Variants in HHATL observed in about 807,000 individuals in gnomAD.
HHATL encodes the protein hedgehog acyltransferase like.
In HHATL, 49 loss-of-function variants were observed where a neutral mutation model predicts 59.7. That is an observed-to-expected ratio of 0.82 (90% CI 0.65 to 1.04). HHATL has a LOEUF of 1.04. Among genes scored for constraint, HHATL ranks in the 50% least tolerant of loss-of-function variants. HHATL has a pLI of 0.00. For synonymous variants in HHATL, 238 were observed against 257.3 expected, an observed-to-expected ratio of 0.93 and a Z score of 0.72; for missense variants, 605 against 650.8, an observed-to-expected ratio of 0.93 and a Z score of 0.77.
At chr3:42,694,470 A>G (rs73085380) in intron 9 of HHATL, among the ~76,000 whole-genome samples, 5,481 of 152,336 alleles carry the variant, frequency 0.036, 160 homozygotes, top group South Asian at 0.093. Context: ...CACAGCAGCC[A>G]GAGGCATCTT....
intron 2 of HHATL, among the ~76,000 whole-genome samples, chr3:42,700,384 A>ATGTG (rs1252231350): frequency 3.8e-5 from 3 of 78,788 alleles, no homozygotes; most frequent in African/African-American, 1.5e-4. Flanking sequence ...GTGTGTCGGG[A>ATGTG]TGTGTGTGTG....
At chr3:42,693,047 C>G in intron 11 of HHATL, 30 bp downstream of exon 11, 4 of 1,612,986 alleles carry the variant, frequency 2.5e-6, no homozygotes, top group Non-Finnish European at 3.4e-6. Flanking sequence ...TGCCTGGCAC[C>G]TTCTGTATCC....
intron 7 of HHATL, 109 bp downstream of exon 7, chr3:42,697,399 T>C (rs1697675438): frequency 7.9e-7 from 1 of 1,273,722 alleles, no homozygotes; most frequent in African/African-American, 1.5e-5. Flanking sequence ...CGCCCTCAGG[T>C]GCTGTGCCCT....
In HHATL at chr3:42,692,757, C is replaced by CAAA. The variant is rs762964445; in HGVS notation, c.1508_1509insTTT (p.Pro503_Glu504insLeu). The CAAA allele has an allele frequency of 6.2e-7, 1 of 1,614,160 alleles. No individual in the cohort carries two copies. The highest frequency in any genetic ancestry group is 1.1e-5 in the South Asian group (1 of 91,092). On this transcript the variant is annotated inframe_insertion, in exon 12 of 12. Coordinates refer to ENST00000441594, the MANE Select transcript of HHATL (RefSeq NM_020707.4). The stretch of plus-strand genomic sequence containing the variant: ...TCCCTCTACCCGCTCCCTCCTACTC[C>CAAA]GGCTTCTCTTTGTCCTGCTTCTGCT...
intron 9 of HHATL, 22 bp downstream of exon 9, chr3:42,696,820 C>T (rs1356213116): frequency 5.6e-6 from 9 of 1,612,750 alleles, no homozygotes; most frequent in Non-Finnish European, 7.6e-6. Flanking sequence ...GCTGTGACCA[C>T]CCCCACCCCA....
chr3:42,701,210 A>C lies in HHATL; in HGVS notation c.-13-371T>G. 2 of 205,680 alleles carry C rather than the reference A, an allele frequency of 9.7e-6. No homozygotes were observed. Among genetic ancestry groups the C allele is most frequent in the Non-Finnish European group, 9.9e-6 (1 of 100,842 alleles). 12.7% of individuals were successfully genotyped at this position (205,680 alleles called of 1,614,324 possible). A position where few individuals can be genotyped will look rare whatever the true frequency, so the allele number is the denominator to read the frequency against. Reference sequence around the variant, plus strand: ...CATGACCTGCGTGCGGAGAAACCCCACCTCTATCACTACAGTCAGGTTTCT... The same window carrying C: ...CATGACCTGCGTGCGGAGAAACCCCCCCTCTATCACTACAGTCAGGTTTCT... On this transcript the variant is annotated intron_variant, in intron 1 of 11. Transcript: ENST00000441594. The surrounding 1 kb of genome is among the most constrained non-coding windows in gnomAD (Gnocchi z 5.1).
At chr3:42,694,129 T>C (rs1009749770) in intron 9 of HHATL, 1 of 388,790 alleles carries the variant, frequency 2.6e-6, no homozygotes, top group African/African-American at 2.0e-5. Flanking sequence ...CTGATTTGTA[T>C]ATGCAATTGC....
rs533029650 is a variant in HHATL, at chr3:42,695,269, T to C, written c.1047-1451A>G. The stretch of plus-strand genomic sequence containing the variant: ...TTCAGTTCTTCAATCCCATTGATCT[T>C]GTGACCCTCCCACCTTCACCACCGT... On this transcript the variant is annotated intron_variant, in intron 9 of 11. Coordinates refer to ENST00000441594, the MANE Select transcript of HHATL (RefSeq NM_020707.4). Among the ~76,000 whole-genome samples, 29 of 152,344 alleles carry C rather than the reference T, an allele frequency of 1.9e-4. No homozygotes were observed. The South Asian group carries it at 5.8e-3, about 31-fold the overall frequency.
rs867637090 is a variant in HHATL at position 42,692,968 on chromosome 3, C to T, written c.1391-93G>A. On this transcript the variant is annotated intron_variant, in intron 11 of 11. Transcript: ENST00000441594. The stretch of plus-strand genomic sequence containing the variant: ...CCCCTCTCCCCGCTTGATGGGCCCT[C>T]CCTTCTGAGTCCCAGGGGTGATGAG... The T allele has an allele frequency of 2.5e-5, 39 of 1,583,182 alleles. No homozygotes were observed. In the African/African-American group the frequency reaches 5.1e-4, roughly 21 times the overall value.
chr3:42,700,908 C>T, intron 1 of HHATL, 69 bp from the exon 2 acceptor site: 1 of 1,065,306 alleles, frequency 9.4e-7, no homozygotes, highest in African/African-American at 1.6e-5. Context: ...ATGGTCCCAC[C>T]ACCCCAGTGG....
chr3:42,693,541 A>G (rs1697447451), intron 10 of HHATL, 76 bp downstream of exon 10: 1 of 1,291,110 alleles, frequency 7.7e-7, no homozygotes, highest in Admixed American at 2.0e-5. Flanking sequence ...AGGTGTTTGG[A>G]CAACTCCAGA....
At chr3:42,695,812 G>A (rs1014796566) in intron 9 of HHATL, among the ~76,000 whole-genome samples, 5 of 152,002 alleles carry the variant, frequency 3.3e-5, no homozygotes, top group Non-Finnish European at 7.4e-5. Context: ...CCAGGCCTCC[G>A]CCTGGAACTA....
rs1697524860 is a variant in HHATL at position 42,694,672 on chromosome 3, A to G, written c.1047-854T>C. ...CATGCTGGCCTCACTGGCCTTTCTT[A>G]CCTTTACACCCACACAGTTGGTTTG... is the stretch of plus-strand genomic sequence containing the variant. On this transcript the variant is annotated intron_variant, in intron 9 of 11. Transcript: ENST00000441594. Among the ~76,000 whole-genome samples the G allele has an allele frequency of 2.6e-5, 4 of 152,066 alleles. No individual in the cohort carries two copies. The South Asian group carries it at 8.3e-4, about 32-fold the overall frequency.
In HHATL at chr3:42,697,435, G is replaced by A. The variant is rs765885269; in HGVS notation, c.865+73C>T. On this transcript the variant is annotated intron_variant, in intron 7 of 11. Coordinates refer to ENST00000441594, the MANE Select transcript of HHATL (RefSeq NM_020707.4). ...GCGTGCCTCAGCTCCCCTGACTGTG[G>A]CACCGTGGGGGTGCAGAGGGTCTGT... is the stretch of plus-strand genomic sequence containing the variant. 599 of 1,515,978 alleles carry A rather than the reference G, an allele frequency of 4.0e-4. 1 individual carries two copies. The highest frequency in any genetic ancestry group is 4.9e-4 in the Non-Finnish European group (548 of 1,109,994). The allele number at this position is 1,515,978 out of a possible 1,614,324, so 93.9% of individuals were successfully genotyped here. A position where few individuals can be genotyped will look rare whatever the true frequency, so the allele number is the denominator to read the frequency against.
At chr3:42,695,552 C>A (rs940811251) in intron 9 of HHATL, among the ~76,000 whole-genome samples, 6 of 152,162 alleles carry the variant, frequency 3.9e-5, no homozygotes, top group Admixed American at 2.6e-4. Context: ...CTGCAAGGGC[C>A]ACTGTATTCT....
chr3:42,692,979 C>T (rs1697417198), intron 11 of HHATL, 98 bp downstream of exon 11: 1 of 1,588,448 alleles, frequency 6.3e-7, no homozygotes, highest in East Asian at 2.2e-5. Context: ...CCTTCTGAGT[C>T]CCAGGGGTGA....
At chr3:42,697,438 C>A in intron 7 of HHATL, 70 bp downstream of exon 7, 2 of 1,530,224 alleles carry the variant, frequency 1.3e-6, no homozygotes, top group South Asian at 1.2e-5. Flanking sequence ...GACTGTGGCA[C>A]CGTGGGGGTG....
intron 10 of HHATL, 48 bp downstream of exon 10, chr3:42,693,569 C>G (rs549901611): frequency 4.6e-6 from 7 of 1,527,566 alleles, no homozygotes; most frequent in African/African-American, 2.7e-5. Context: ...AGTGCCCCCC[C>G]GCCCTCTATG....
chr3:42,696,901 A>G, intron 8 of HHATL, 24 bp from the exon 9 acceptor site: 1 of 1,614,170 alleles, frequency 6.2e-7, no homozygotes, highest in Non-Finnish European at 8.5e-7. Context: ...GCAGATGGGC[A>G]TGTTGCCATC....
Sources: allele counts gnomAD v4.1 joint callset (sites outside exome capture counted in the v4.1 genomes callset), GRCh38; gene constraint gnomAD v4.1.1; non-coding constraint Gnocchi (gnomAD v3.1); transcripts MANE v1.5; gene names NCBI Gene and HGNC (gene_info 2026-07-23, HGNC 2026-07-21).